The following SEZ6L variants were observed in gnomAD, a reference collection of about 807,000 sequenced individuals.
The protein encoded by SEZ6L is seizure 6-like protein.
A neutral mutation model predicts 106.2 loss-of-function variants in SEZ6L; 37 were observed. The ratio of observed to expected loss-of-function variants is 0.35; its 90% CI spans 0.27 to 0.46. The LOEUF (loss-of-function observed/expected upper bound fraction) is 0.46, where lower values mean the gene tolerates loss of function less well. SEZ6L is among the 20% of genes least tolerant of loss of function. SEZ6L has a pLI of 1.00. For synonymous variants in SEZ6L, 541 were observed against 570.4 expected (o/e 0.95, Z 0.73); for missense variants, 1,172 against 1,332.8 (o/e 0.88, Z 1.88).
chr22:26,218,568 G>T (rs1031891535), intron 1 of SEZ6L, among the ~76,000 whole-genome samples: 3 of 152,250 alleles, frequency 2.0e-5, no homozygotes, highest in African/African-American at 7.2e-5. Flanking sequence ...TTGGGAGGCT[G>T]AAGTGGGTGG....
chr22:26,347,191 G>A (rs1396174819), intron 10 of SEZ6L, among the ~76,000 whole-genome samples: 1 of 134,602 alleles, frequency 7.4e-6, no homozygotes, highest in Non-Finnish European at 1.6e-5. Context: ...GACCCTGCCT[G>A]TAAAAATAAT....
chr22:26,255,814 C>T (rs2079797405), intron 1 of SEZ6L, among the ~76,000 whole-genome samples: 1 of 152,194 alleles, frequency 6.6e-6, no homozygotes, highest in African/African-American at 2.4e-5. Context: ...CACTGGGAAT[C>T]CAATAAAAGT....
chr22:26,349,514 C>T (rs1329755787), intron 11 of SEZ6L, among the ~76,000 whole-genome samples: 2 of 152,162 alleles, frequency 1.3e-5, no homozygotes, highest in Admixed American at 6.5e-5. Context: ...ATCATACATA[C>T]ATTACATGTC....
At chr22:26,348,709 AG>A (rs1294326684) in intron 11 of SEZ6L, among the ~76,000 whole-genome samples, 2 of 41,664 alleles carry the variant, frequency 4.8e-5, no homozygotes, top group Admixed American at 2.6e-4. Context: ...AAAGAAGGCA[AG>A]GGAGGGAAGG....
chr22:26,187,966 A>T (rs1163107044), intron 1 of SEZ6L, among the ~76,000 whole-genome samples: 1 of 152,234 alleles, frequency 6.6e-6, no homozygotes, highest in Admixed American at 6.5e-5. Flanking sequence ...AGTGGGGCTG[A>T]TCCCTAGAGA....
chr22:26,358,574 A>C (rs1193914440), intron 12 of SEZ6L, among the ~76,000 whole-genome samples: 3 of 152,132 alleles, frequency 2.0e-5, no homozygotes, highest in African/African-American at 7.2e-5. Context: ...ATTTTCTTCT[A>C]TTGTTAAAGA....
chr22:26,251,955 A>G (rs971757667), intron 1 of SEZ6L, among the ~76,000 whole-genome samples: 1 of 151,544 alleles, frequency 6.6e-6, no homozygotes, highest in African/African-American at 2.4e-5. Context: ...GATCACCCCC[A>G]CCCCACCCCT....
chr22:26,187,651 C>G (rs1939871430), intron 1 of SEZ6L, among the ~76,000 whole-genome samples: 1 of 152,076 alleles, frequency 6.6e-6, no homozygotes, highest in Non-Finnish European at 1.5e-5. Flanking sequence ...GAAAAAGCAG[C>G]AGAGAGGAGA....
rs573364974 is a variant in SEZ6L, at chr22:26,210,647, T to G, written c.94+40884T>G. The stretch of plus-strand genomic sequence containing the variant: ...TACCAGCCTGGCAGCCCCGTGCACA[T>G]TTCCTCTTTTCTCATCTCCATTCTC... On this transcript the variant is annotated intron_variant, in intron 1 of 16. Transcript: ENST00000248933. Among the ~76,000 whole-genome samples, 8 of 152,186 alleles carry G rather than the reference T, an allele frequency of 5.3e-5. 1 individual carries two copies. Among genetic ancestry groups the G allele is most frequent in the Admixed American group, 5.2e-4 (8 of 15,288 alleles).
intron 1 of SEZ6L, among the ~76,000 whole-genome samples, chr22:26,262,660 G>T (rs2080052794): frequency 6.6e-6 from 1 of 152,174 alleles, no homozygotes; most frequent in Non-Finnish European, 1.5e-5. Flanking sequence ...GAAAGCCAGA[G>T]AGGTGATATT....
chr22:26,264,572 C>T (rs5752299), intron 1 of SEZ6L, among the ~76,000 whole-genome samples: 20,082 of 152,122 alleles, frequency 0.13, 1,781 homozygotes, highest in East Asian at 0.35. Flanking sequence ...TCTAAAGGAA[C>T]AGACATTTGC....
At chr22:26,189,452 A>G (rs1940026028) in intron 1 of SEZ6L, among the ~76,000 whole-genome samples, 1 of 152,236 alleles carries the variant, frequency 6.6e-6, no homozygotes, top group Non-Finnish European at 1.5e-5. Context: ...TCCCCTCTGT[A>G]TCTGAGAGCT....
At chr22:26,284,629 A>C (rs1372897181) in intron 1 of SEZ6L, among the ~76,000 whole-genome samples, 3 of 146,480 alleles carry the variant, frequency 2.0e-5, no homozygotes, top group Admixed American at 6.8e-5. Flanking sequence ...AAAAAAAAAA[A>C]AAACCCTAAT....
chr22:26,368,177 C>T (rs2146065314), intron 13 of SEZ6L, among the ~76,000 whole-genome samples: 1 of 152,298 alleles, frequency 6.6e-6, no homozygotes, highest in African/African-American at 2.4e-5. Flanking sequence ...TTCAGTGGAT[C>T]CCCAAATGCC....
intron 9 of SEZ6L, among the ~76,000 whole-genome samples, chr22:26,324,771 C>T (rs2082259575): frequency 6.6e-6 from 1 of 152,154 alleles, no homozygotes; most frequent in South Asian, 2.1e-4. Flanking sequence ...GCCCAAATTC[C>T]ATTATGTTGC....
intron 5 of SEZ6L, among the ~76,000 whole-genome samples, chr22:26,302,333 C>G (rs1233266571): frequency 6.6e-6 from 1 of 152,202 alleles, no homozygotes; most frequent in Non-Finnish European, 1.5e-5. Context: ...TGGAGAAGCA[C>G]TGGTTTGTAA....
chr22:26,301,327 T>C (rs2145902816), intron 5 of SEZ6L, among the ~76,000 whole-genome samples: 1 of 152,362 alleles, frequency 6.6e-6, no homozygotes, highest in Middle Eastern at 3.4e-3. Context: ...CCTATCTAGG[T>C]ACTCATTCGA....
intron 9 of SEZ6L, among the ~76,000 whole-genome samples, chr22:26,329,976 G>A (rs576418739): frequency 6.6e-6 from 1 of 152,298 alleles, no homozygotes; most frequent in African/African-American, 2.4e-5. Flanking sequence ...TATCTCTACT[G>A]TTCCATAAAG....
rs1007390211 is a variant in SEZ6L at position 26,267,424 on chromosome 22, C to G, written c.95-24982C>G. ...TGAGGCTGGTAATATAACCAAGGAC[C>G]TTTTTGTAGAGAGCTTTGAATGCTA... On this transcript the variant is annotated intron_variant, in intron 1 of 16. Coordinates refer to ENST00000248933, the MANE Select transcript of SEZ6L (RefSeq NM_021115.5). Among the ~76,000 whole-genome samples, 7 of 152,294 alleles carry G rather than the reference C, an allele frequency of 4.6e-5. No individual in the cohort carries two copies. The East Asian group carries it at 9.6e-4, about 21-fold the overall frequency.
Sources: allele counts gnomAD v4.1 joint callset (sites outside exome capture counted in the v4.1 genomes callset), GRCh38; gene constraint gnomAD v4.1.1; transcripts MANE v1.5; gene names NCBI Gene and HGNC (gene_info 2026-07-23, HGNC 2026-07-21).